The following GLG1 variants were observed in gnomAD, a reference collection of about 807,000 sequenced individuals.
GLG1 encodes the protein golgi glycoprotein 1, also known as Golgi apparatus protein 1.
Under a neutral mutation model 160.5 loss-of-function variants are expected in GLG1, and 38 were observed. The observed-to-expected ratio is 0.24, with a 90% CI of 0.18 to 0.31. The LOEUF is 0.31. GLG1 is among the 10% of genes least tolerant of loss of function. GLG1 has a pLI of 1.00. For missense variants in GLG1, 1,373 were observed against 1,505.2 expected (o/e 0.91, Z 1.45); for synonymous variants, 644 against 543.4 (o/e 1.19, Z -2.57).
At chr16:74,543,008 C>G (rs1183243750) in intron 1 of GLG1, among the ~76,000 whole-genome samples, 7 of 151,924 alleles carry the variant, frequency 4.6e-5, no homozygotes, top group Non-Finnish European at 8.8e-5. Flanking sequence ...TATAATTTCT[C>G]ACACCCCAGA....
At chr16:74,589,084 GAAC>G (rs886932048) in intron 1 of GLG1, among the ~76,000 whole-genome samples, 4 of 151,502 alleles carry the variant, frequency 2.6e-5, no homozygotes, top group Non-Finnish European at 4.4e-5. Flanking sequence ...TCTACAAAAA[GAAC>G]AACAACAACA....
intron 1 of GLG1, among the ~76,000 whole-genome samples, chr16:74,588,991 C>T (rs192789749): frequency 6.6e-6 from 1 of 151,418 alleles, no homozygotes; most frequent in African/African-American, 2.4e-5. Flanking sequence ...CTTGTAATGC[C>T]AGCACTTTGG....
At chr16:74,553,471 T>G (rs2018264487) in intron 1 of GLG1, among the ~76,000 whole-genome samples, 1 of 18,346 alleles carries the variant, frequency 5.5e-5, no homozygotes, top group Non-Finnish European at 1.1e-4. Flanking sequence ...TTGTTTCGGT[T>G]TTTTTTTTTT....
intron 1 of GLG1, among the ~76,000 whole-genome samples, chr16:74,562,750 C>A (rs978710315): frequency 6.6e-6 from 1 of 152,184 alleles, no homozygotes; most frequent in Non-Finnish European, 1.5e-5. Context: ...GTAGAGATTA[C>A]AGGCATGAGC....
intron 3 of GLG1, among the ~76,000 whole-genome samples, chr16:74,505,817 T>G (rs2016577734): frequency 6.6e-6 from 1 of 152,142 alleles, no homozygotes; most frequent in Admixed American, 6.5e-5. Context: ...ATTGAGCCAT[T>G]GCATTCCACC....
At chr16:74,534,361 CCTTT>C (rs67981465) in intron 1 of GLG1, among the ~76,000 whole-genome samples, 19,223 of 151,988 alleles carry the variant, frequency 0.13, 665 homozygotes, top group East Asian at 0.16. Context: ...TAAAATCTAT[CCTTT>C]AAGTTTTCCC....
intron 5 of GLG1, among the ~76,000 whole-genome samples, chr16:74,495,089 A>T (rs1291320921): frequency 6.6e-6 from 1 of 150,492 alleles, no homozygotes; most frequent in East Asian, 2.0e-4. Context: ...AACCAAGAGA[A>T]GTGTTAGAGT....
rs564237793 is a variant in GLG1, at chr16:74,589,112, G to A, written c.438+17545C>T. Among the ~76,000 whole-genome samples, 4 of 151,836 alleles carry A rather than the reference G, an allele frequency of 2.6e-5. No homozygotes were observed. The South Asian group carries it at 6.3e-4, about 24-fold the overall frequency. ...CAACAACAACAACAAAAAATTAGAC[G>A]GGCGTGGTGGCGTGCACCTGTAATC... On this transcript the variant is annotated intron_variant, in intron 1 of 25. Transcript: ENST00000422840.
intron 1 of GLG1, among the ~76,000 whole-genome samples, chr16:74,597,114 G>A (rs1243458204): frequency 1.3e-5 from 2 of 150,192 alleles, no homozygotes; most frequent in East Asian, 2.0e-4. Context: ...GTGAGACCTC[G>A]TCTCAAACAA....
chr16:74,504,102 C>T (rs967002455), intron 3 of GLG1, among the ~76,000 whole-genome samples: 2 of 152,080 alleles, frequency 1.3e-5, no homozygotes, highest in Admixed American at 6.6e-5. Flanking sequence ...TCCTTGTAAC[C>T]ATGCAAAAAA....
intron 2 of GLG1, among the ~76,000 whole-genome samples, chr16:74,517,982 C>T (rs8045653): frequency 0.66 from 100,957 of 151,924 alleles, 33,712 homozygotes; most frequent in East Asian, 0.81. Context: ...ACCTAGGAAT[C>T]CAACTCACAA....
chr16:74,463,026 T>C, intron 20 of GLG1: 1 of 423,556 alleles, frequency 2.4e-6, no homozygotes, highest in Non-Finnish European at 4.2e-6. Flanking sequence ...GAAATGTTTC[T>C]GTTCCGAATC....
At chr16:74,479,255 AAG>A (rs1440069800) in intron 11 of GLG1, among the ~76,000 whole-genome samples, 1 of 147,208 alleles carries the variant, frequency 6.8e-6, no homozygotes, top group African/African-American at 2.5e-5. Context: ...AAAAAAAAAA[AAG>A]GTTAATTTTA....
intron 5 of GLG1, 127 bp downstream of exon 5, chr16:74,496,314 C>T (rs751616775): frequency 7.4e-5 from 49 of 662,246 alleles, no homozygotes; most frequent in Non-Finnish European, 1.1e-4. Context: ...GTCAGAAGTT[C>T]GTGACCAGCC....
rs763398161 is a variant in GLG1 at position 74,483,075 on chromosome 16, C to T, written c.1621G>A (p.Asp541Asn). The change falls in exon 10 of 26, where the codon GAC becomes AAC. Residue 541 changes from aspartate to asparagine, a missense_variant. Coordinates refer to ENST00000422840, the MANE Select transcript of GLG1 (RefSeq NM_001145667.2). ...EHLYTEKMVE[D>N]CEHRLLELQY... The stretch of plus-strand genomic sequence containing the variant: ...AGCTCTAAGAGACGGTGTTCACAGT[C>T]TTCTACCATCTTCTCTGTGTATAAA... The T allele has an allele frequency of 8.6e-5, 139 of 1,610,348 alleles. 3 individuals are homozygous for T. In the South Asian group the frequency reaches 1.4e-3, roughly 17 times the overall value.
chr16:74,581,785 G>A lies in GLG1; in HGVS notation c.438+24872C>T, dbSNP rs191595384. 5.3e-3 allele frequency among the ~76,000 whole-genome samples: 802 copies of A among 152,170 alleles called. 8 individuals carry two copies. Among genetic ancestry groups the A allele is most frequent in the African/African-American group, 0.018 (745 of 41,514 alleles). The stretch of plus-strand genomic sequence containing the variant: ...AAATTAGCTGGGCTTGGTGGCGGGC[G>A]CCTGTAATCCCAGCTACTCGGGAGG... On this transcript the variant is annotated intron_variant, in intron 1 of 25. Transcript: ENST00000422840.
At chr16:74,533,151 C>T (rs1051020607) in intron 1 of GLG1, among the ~76,000 whole-genome samples, 3 of 151,670 alleles carry the variant, frequency 2.0e-5, no homozygotes, top group African/African-American at 4.8e-5. Context: ...AAACCCTGTC[C>T]CTACTAAAAA....
chr16:74,513,034 G>C lies in GLG1; in HGVS notation c.472-4109C>G, dbSNP rs115401301. 7.6e-3 allele frequency among the ~76,000 whole-genome samples: 1,165 copies of C among 152,304 alleles called. 15 individuals carry two copies. The highest frequency in any genetic ancestry group is 0.026 in the African/African-American group (1,094 of 41,568). ...ATGGAAACAGAGTTCAGAATAGCTG[G>C]AGTTGAAGGTATGAAAGATGAGATG... On this transcript the variant is annotated intron_variant, in intron 2 of 25. Transcript: ENST00000422840.
At chr16:74,545,561 T>TTTAA (rs2018022695) in intron 1 of GLG1, among the ~76,000 whole-genome samples, 1 of 152,252 alleles carries the variant, frequency 6.6e-6, no homozygotes. Flanking sequence ...TTCAATCTAA[T>TTTAA]GTTTATACAC....
Sources: allele counts gnomAD v4.1 joint callset (sites outside exome capture counted in the v4.1 genomes callset), GRCh38; gene constraint gnomAD v4.1.1; transcripts MANE v1.5; gene names NCBI Gene and HGNC (gene_info 2026-07-23, HGNC 2026-07-21).